The following PPARGC1A variants were observed in gnomAD, a reference collection of about 807,000 sequenced individuals.
PPARGC1A encodes the protein PPARG coactivator 1 alpha, also known as peroxisome proliferator-activated receptor gamma coactivator 1-alpha.
In PPARGC1A, 25 loss-of-function variants were observed where a neutral mutation model predicts 88.7. That is an observed-to-expected ratio of 0.28 (90% confidence interval 0.21 to 0.39). The LOEUF is 0.39. Ranked by LOEUF, PPARGC1A falls within the 10% of genes least tolerant of loss-of-function variation. PPARGC1A has a pLI of 1.00. For synonymous variants in PPARGC1A, 363 were observed against 355.6 expected (o/e 1.02, Z -0.24); for missense variants, 880 against 968.7 (o/e 0.91, Z 1.22).
chr4:24,051,427 T>G, the PPARGC1A span, among the ~76,000 whole-genome samples: 47 of 152,214 alleles, frequency 3.1e-4, no homozygotes, highest in Admixed American at 3.1e-3. Flanking sequence ...AGTTACTCTA[T>G]GTAGTCTCTC....
chr4:24,315,022 T>TAA, the PPARGC1A span, among the ~76,000 whole-genome samples: 99 of 131,506 alleles, frequency 7.5e-4, no homozygotes, highest in South Asian at 2.4e-3. Flanking sequence ...ATACAGACCT[T>TAA]AAAAAAAAAA....
chr4:24,193,675 G>A, the PPARGC1A span, among the ~76,000 whole-genome samples: 2 of 152,180 alleles, frequency 1.3e-5, no homozygotes, highest in Non-Finnish European at 2.9e-5. Context: ...TCCTGGCCAA[G>A]TCAATTTCTT....
At chr4:24,291,203 T>C in the PPARGC1A span, among the ~76,000 whole-genome samples, 1 of 152,160 alleles carries the variant, frequency 6.6e-6, no homozygotes, top group African/African-American at 2.4e-5. Context: ...TGAGTCTCCT[T>C]TGCCTTTTAA....
the PPARGC1A span, among the ~76,000 whole-genome samples, chr4:24,125,975 G>T: frequency 1.3e-3 from 204 of 152,180 alleles, 2 homozygotes; most frequent in East Asian, 0.024. Context: ...AACTCCTGGC[G>T]GGCTTTGAAA....
chr4:24,289,634 G>A, the PPARGC1A span, among the ~76,000 whole-genome samples: 2 of 152,166 alleles, frequency 1.3e-5, no homozygotes, highest in Non-Finnish European at 2.9e-5. Context: ...CTCAATATGA[G>A]GAGGAATCTG....
chr4:24,073,244 A>G, the PPARGC1A span, among the ~76,000 whole-genome samples: 1 of 152,106 alleles, frequency 6.6e-6, no homozygotes, highest in East Asian at 1.9e-4. Flanking sequence ...GGCTTTTCCC[A>G]TGTTGACCAG....
chr4:24,464,658 C>A, the PPARGC1A span, among the ~76,000 whole-genome samples: 1 of 152,170 alleles, frequency 6.6e-6, no homozygotes, highest in East Asian at 1.9e-4. Flanking sequence ...TTAGCTATTA[C>A]CTGCAGCTCT....
the PPARGC1A span, among the ~76,000 whole-genome samples, chr4:24,281,379 G>A: frequency 6.6e-6 from 1 of 152,220 alleles, no homozygotes; most frequent in Non-Finnish European, 1.5e-5. Flanking sequence ...AGTGGAAGAT[G>A]AAGAGGAGAC....
the PPARGC1A span, among the ~76,000 whole-genome samples, chr4:24,187,866 C>T: frequency 6.6e-6 from 1 of 152,126 alleles, no homozygotes; most frequent in African/African-American, 2.4e-5. Context: ...AGAATAAGTA[C>T]TGGAGTCCCT....
chr4:24,332,863 A>G, the PPARGC1A span, among the ~76,000 whole-genome samples: 6 of 152,242 alleles, frequency 3.9e-5, no homozygotes, highest in Admixed American at 1.3e-4. Flanking sequence ...CCTCAACTGT[A>G]TACTGAAGAC....
At chr4:24,283,192 A>G in the PPARGC1A span, among the ~76,000 whole-genome samples, 1 of 152,154 alleles carries the variant, frequency 6.6e-6, no homozygotes, top group African/African-American at 2.4e-5. Context: ...TGATCTAACA[A>G]CAGACATGAT....
chr4:23,813,643 C>A, intron 8 of PPARGC1A, 47 bp downstream of exon 8: 1 of 1,425,360 alleles, frequency 7.0e-7, no homozygotes, highest in Non-Finnish European at 9.5e-7. Flanking sequence ...TTATTTTTTA[C>A]TTCTTAGGAA....
chr4:24,172,135 G>A, the PPARGC1A span, among the ~76,000 whole-genome samples: 1 of 152,144 alleles, frequency 6.6e-6, no homozygotes, highest in Non-Finnish European at 1.5e-5. Context: ...GAAAAAGGCT[G>A]GGGCCAAGCC....
At chr4:23,856,982 A>G (rs1050836276) in intron 2 of PPARGC1A, among the ~76,000 whole-genome samples, 4 of 152,204 alleles carry the variant, frequency 2.6e-5, no homozygotes, top group Admixed American at 2.6e-4. Flanking sequence ...TTTATTGACT[A>G]TCAATTAAGT....
the PPARGC1A span, among the ~76,000 whole-genome samples, chr4:24,352,997 C>T: frequency 2.5e-4 from 38 of 152,202 alleles, no homozygotes; most frequent in South Asian, 1.5e-3. Context: ...GGCTGGAGTT[C>T]GTTAGCTGAT....
the PPARGC1A span, among the ~76,000 whole-genome samples, chr4:24,064,193 G>A: frequency 6.6e-6 from 1 of 152,094 alleles, no homozygotes; most frequent in Non-Finnish European, 1.5e-5. Context: ...ACTTAGAAGA[G>A]GAATTCAATA....
At chr4:23,982,417 C>T in the PPARGC1A span, among the ~76,000 whole-genome samples, 1 of 152,064 alleles carries the variant, frequency 6.6e-6, no homozygotes, top group African/African-American at 2.4e-5. Context: ...AACGTCATGG[C>T]CATGCTCCTT....
intron 2 of PPARGC1A, among the ~76,000 whole-genome samples, chr4:23,863,316 C>G (rs1438233337): frequency 6.6e-6 from 1 of 152,162 alleles, no homozygotes; most frequent in African/African-American, 2.4e-5. Context: ...TTTTAAGAGT[C>G]CCTGGTGTCT....
At chr4:24,398,846 T>C in the PPARGC1A span, among the ~76,000 whole-genome samples, 7 of 152,282 alleles carry the variant, frequency 4.6e-5, no homozygotes, top group Non-Finnish European at 7.4e-5. Context: ...CAAGATTTCT[T>C]CCAGATCTCT....
Sources: allele counts gnomAD v4.1 joint callset (sites outside exome capture counted in the v4.1 genomes callset), GRCh38; gene constraint gnomAD v4.1.1; transcripts MANE v1.5; gene names NCBI Gene and HGNC (gene_info 2026-07-23, HGNC 2026-07-21).